Variants in ACBD6 observed in about 807,000 individuals in gnomAD.
ACBD6 encodes acyl-CoA-binding domain-containing protein 6.
In ACBD6, 28 loss-of-function variants were observed where a neutral mutation model predicts 37.2. The observed-to-expected ratio is 0.75, with a 90% CI of 0.56 to 1.03. ACBD6 has a LOEUF of 1.03. Among genes scored for constraint, ACBD6 ranks in the 50% least tolerant of loss-of-function variants. The probability of loss-of-function intolerance (pLI) is 0.00; values close to 1 mark genes in which losing one functional copy is unlikely to be tolerated. For synonymous variants in ACBD6, 113 were observed against 126.8 expected (o/e 0.89, Z 0.73); for missense variants, 340 against 337.4 (o/e 1.01, Z -0.06).
At chr1:180,434,613 A>G (rs1648946947) in intron 3 of ACBD6, among the ~76,000 whole-genome samples, 1 of 152,200 alleles carries the variant, frequency 6.6e-6, no homozygotes, top group South Asian at 2.1e-4. Context: ...AAGCTTTTAG[A>G]TAATAACTTA....
chr1:180,297,643 A>G, intron 7 of ACBD6, among the ~76,000 whole-genome samples: 1 of 152,198 alleles, frequency 6.6e-6, no homozygotes, highest in East Asian at 1.9e-4. Context: ...AGGGAGGAAG[A>G]GACGGTATCA....
chr1:180,316,059 A>T (rs1359261788), intron 6 of ACBD6, among the ~76,000 whole-genome samples: 1 of 152,098 alleles, frequency 6.6e-6, no homozygotes, highest in African/African-American at 2.4e-5. Context: ...TTTTAGATAC[A>T]ACCTTTATCT....
chr1:180,343,291 T>C (rs1293052624), intron 6 of ACBD6, among the ~76,000 whole-genome samples: 1 of 152,076 alleles, frequency 6.6e-6, no homozygotes, highest in East Asian at 1.9e-4. Context: ...CACCTCCATA[T>C]CCTGTTTCCA....
chr1:180,326,173 G>GA (rs1249136123), intron 6 of ACBD6, among the ~76,000 whole-genome samples: 4 of 152,102 alleles, frequency 2.6e-5, no homozygotes, highest in Non-Finnish European at 4.4e-5. Context: ...GGGATTGGAG[G>GA]AAAAAACCTT....
In ACBD6 at chr1:180,288,324, C is replaced by A. The variant is rs1231601798; in HGVS notation, c.*39G>T. On this transcript the variant is annotated 3_prime_UTR_variant, in exon 8 of 8. Coordinates refer to ENST00000367595, the MANE Select transcript of ACBD6 (RefSeq NM_032360.4). ...TTGTAGTTTTCTTTCATAATGGAAG[C>A]CTTATGCTATTACAGACTGCAGTTT... is the stretch of plus-strand genomic sequence containing the variant. The A allele has an allele frequency of 1.9e-6, 3 of 1,612,930 alleles. No homozygotes were observed. The highest frequency in any genetic ancestry group is 4.5e-5 in the East Asian group (2 of 44,878).
rs1287917066 is a variant in ACBD6, at chr1:180,438,958, C to CTAG, written c.385-8699_385-8697dup. Among the ~76,000 whole-genome samples the CTAG allele has an allele frequency of 5.9e-5, 9 of 152,272 alleles. No homozygotes were observed. The East Asian group carries it at 1.7e-3, about 29-fold the overall frequency. On this transcript the variant is annotated intron_variant, in intron 3 of 7. Transcript: ENST00000367595. ...CCTCCATACTCTGAACCCACGGCAA[C>CTAG]TAGTGATCTTTTCACTGCTTTGTTT...
rs770839844 is a variant in ACBD6 at position 180,413,344 on chromosome 1, T to C, written c.573+22A>G. 7 of 1,586,268 alleles carry C rather than the reference T, an allele frequency of 4.4e-6. No individual in the cohort carries two copies. In the South Asian group the frequency reaches 6.6e-5, roughly 15 times the overall value. On this transcript the variant is annotated intron_variant, in intron 5 of 7. Coordinates refer to ENST00000367595, the MANE Select transcript of ACBD6 (RefSeq NM_032360.4). ...GAACAACCATGCATAGGAAAATAAT[T>C]AACAGGGCATGTTTTTCATACCTCT...
intron 5 of ACBD6, among the ~76,000 whole-genome samples, chr1:180,409,012 C>T (rs1474814444): frequency 6.6e-6 from 1 of 151,932 alleles, no homozygotes. Flanking sequence ...CAAAAATTAG[C>T]CAGGCATGGT....
intron 6 of ACBD6, among the ~76,000 whole-genome samples, chr1:180,376,700 A>G (rs1653449341): frequency 6.6e-6 from 1 of 152,236 alleles, no homozygotes; most frequent in South Asian, 2.1e-4. Context: ...GGTTACCTGT[A>G]GGGAGTGGGT....
chr1:180,393,730 C>A (rs1008620908), intron 6 of ACBD6, among the ~76,000 whole-genome samples: 7 of 152,190 alleles, frequency 4.6e-5, no homozygotes, highest in Non-Finnish European at 7.3e-5. Flanking sequence ...GCAACTCAAA[C>A]TGGAAAAGCC....
intron 6 of ACBD6, among the ~76,000 whole-genome samples, chr1:180,322,453 T>C (rs1337004789): frequency 6.6e-6 from 1 of 152,120 alleles, no homozygotes; most frequent in East Asian, 1.9e-4. Flanking sequence ...TTTAAATGTT[T>C]GGTAGAATTC....
chr1:180,462,173 G>A (rs1650173257), intron 3 of ACBD6, among the ~76,000 whole-genome samples: 1 of 152,104 alleles, frequency 6.6e-6, no homozygotes, highest in South Asian at 2.1e-4. Context: ...GGAAGCAGAG[G>A]TTGCAGTGAC....
chr1:180,364,736 C>CTTTTTTTT (rs10646954), intron 6 of ACBD6, among the ~76,000 whole-genome samples: 1 of 140,886 alleles, frequency 7.1e-6, no homozygotes, highest in Non-Finnish European at 1.5e-5. Context: ...TCCTTTCTAT[C>CTTTTTTTT]TTTTTTTTTT....
At chr1:180,382,756 A>G (rs1242262317) in intron 6 of ACBD6, among the ~76,000 whole-genome samples, 1 of 152,232 alleles carries the variant, frequency 6.6e-6, no homozygotes, top group Non-Finnish European at 1.5e-5. Context: ...CAACAAAAAA[A>G]GAAAACTACA....
chr1:180,476,492 T>C (rs1650792351), intron 3 of ACBD6, among the ~76,000 whole-genome samples: 1 of 152,058 alleles, frequency 6.6e-6, no homozygotes, highest in African/African-American at 2.4e-5. Context: ...AACTGACAAG[T>C]ATCACAAAAG....
chr1:180,434,376 C>T (rs1381159265), intron 3 of ACBD6, among the ~76,000 whole-genome samples: 1 of 152,180 alleles, frequency 6.6e-6, no homozygotes, highest in Non-Finnish European at 1.5e-5. Flanking sequence ...AAAGCCATCT[C>T]TTAAAAGGGA....
chr1:180,309,250 C>T (rs932848754), intron 7 of ACBD6, among the ~76,000 whole-genome samples: 4 of 152,144 alleles, frequency 2.6e-5, no homozygotes, highest in Non-Finnish European at 5.9e-5. Flanking sequence ...TTTTTCTGTA[C>T]CAGTACATAA....
intron 3 of ACBD6, among the ~76,000 whole-genome samples, chr1:180,477,794 T>C (rs575785385): frequency 1.3e-5 from 2 of 152,266 alleles, no homozygotes; most frequent in Non-Finnish European, 2.9e-5. Context: ...TGTGTAACTG[T>C]TGTATCTGCA....
intron 7 of ACBD6, among the ~76,000 whole-genome samples, 193 bp downstream of exon 7, chr1:180,314,499 C>A (rs566277919): frequency 1.3e-5 from 2 of 152,308 alleles, no homozygotes; most frequent in African/African-American, 4.8e-5. Context: ...CCCGCCTCAG[C>A]CTCCCATAGT....
Sources: gnomAD v4.1 joint callset for allele counts (sites outside exome capture counted in the v4.1 genomes callset) on GRCh38, gnomAD v4.1.1 for gene constraint, MANE v1.5 for transcripts, NCBI Gene and HGNC (gene_info 2026-07-23, HGNC 2026-07-21) for gene names.